The following ZFAND3 variants were observed in gnomAD, a reference collection of about 807,000 sequenced individuals.
The protein encoded by ZFAND3 is AN1-type zinc finger protein 3.
ZFAND3 carries 10 observed loss-of-function variants against 29.6 expected under a neutral mutation model. That is an observed-to-expected ratio of 0.34 (90% CI 0.21 to 0.57). The LOEUF (loss-of-function observed/expected upper bound fraction) is 0.57, where lower values mean the gene tolerates loss of function less well. Ranked by LOEUF, ZFAND3 falls within the 20% of genes least tolerant of loss-of-function variation. The pLI is 0.86. For missense variants in ZFAND3, 230 were observed against 304.5 expected (o/e 0.76, Z 1.82); for synonymous variants, 128 against 112.6 (o/e 1.14, Z -0.87).
chr6:38,080,892 A>C (rs1176079831), intron 3 of ZFAND3, among the ~76,000 whole-genome samples: 1 of 152,102 alleles, frequency 6.6e-6, no homozygotes, highest in Non-Finnish European at 1.5e-5. Context: ...AGTCCATTAC[A>C]CTTTATCTGG....
At chr6:37,910,046 G>A (rs886662226) in intron 1 of ZFAND3, among the ~76,000 whole-genome samples, 31 of 152,188 alleles carry the variant, frequency 2.0e-4, no homozygotes, top group Non-Finnish European at 1.3e-4. Flanking sequence ...CTTGTTCTTT[G>A]CATGTCATCA....
At chr6:38,069,337 CTGTGTG>C (rs1257325425) in intron 3 of ZFAND3, among the ~76,000 whole-genome samples, 1 of 152,078 alleles carries the variant, frequency 6.6e-6, no homozygotes, top group Non-Finnish European at 1.5e-5. Context: ...TTACAGTTCT[CTGTGTG>C]TGTGTCTTTC....
chr6:37,957,328 G>A (rs2127423070), intron 2 of ZFAND3, among the ~76,000 whole-genome samples: 1 of 145,800 alleles, frequency 6.9e-6, no homozygotes, highest in Admixed American at 6.8e-5. Flanking sequence ...TTTTTTCATT[G>A]AATTCCAAGA....
At chr6:38,075,123 C>T (rs949266021) in intron 3 of ZFAND3, among the ~76,000 whole-genome samples, 1 of 152,080 alleles carries the variant, frequency 6.6e-6, no homozygotes, top group Non-Finnish European at 1.5e-5. Context: ...ATTCTGTAGT[C>T]CATGGATTAA....
intron 1 of ZFAND3, among the ~76,000 whole-genome samples, chr6:37,856,965 A>G (rs1433776404): frequency 6.6e-6 from 1 of 150,652 alleles, no homozygotes; most frequent in Non-Finnish European, 1.5e-5. Context: ...TTTTTTTGAG[A>G]CAAGATCTCA....
intron 2 of ZFAND3, among the ~76,000 whole-genome samples, chr6:37,940,033 C>T (rs1761784641): frequency 1.3e-5 from 2 of 152,118 alleles, no homozygotes; most frequent in Admixed American, 1.3e-4. Flanking sequence ...GAGCAAGGCT[C>T]TGTCTCGGGG....
intron 2 of ZFAND3, among the ~76,000 whole-genome samples, chr6:37,975,565 T>A (rs970936046): frequency 1.7e-4 from 26 of 152,208 alleles, no homozygotes; most frequent in African/African-American, 6.3e-4. Flanking sequence ...TTTATACTGA[T>A]GATTTATGTA....
intron 5 of ZFAND3, among the ~76,000 whole-genome samples, chr6:38,133,832 T>A (rs1010497182): frequency 6.6e-6 from 1 of 151,864 alleles, no homozygotes; most frequent in African/African-American, 2.4e-5. Flanking sequence ...CTTAGAAATA[T>A]GAAGGTAGCA....
intron 5 of ZFAND3, chr6:38,142,340 G>T (rs773045791): frequency 6.4e-6 from 3 of 471,218 alleles, no homozygotes; most frequent in Admixed American, 2.3e-5. Context: ...CTGTGACTTG[G>T]ATGAACTGAC....
chr6:37,914,672 C>CTTTTTTTTT lies in ZFAND3; in HGVS notation c.72-15285_72-15277dup, dbSNP rs71542148. On this transcript the variant is annotated intron_variant, in intron 1 of 5. Transcript: ENST00000287218. The stretch of plus-strand genomic sequence containing the variant: ...TTTCTTTCTTTCTTTCTTTTTTTTT[C>CTTTTTTTTT]TTTTTTTTTTAGTGGAGACGGGGTT... Among the ~76,000 whole-genome samples the CTTTTTTTTT allele has an allele frequency of 2.0e-3, 224 of 114,216 alleles. 10 individuals are homozygous for CTTTTTTTTT. Among genetic ancestry groups the CTTTTTTTTT allele is most frequent in the African/African-American group, 7.7e-3 (217 of 28,014 alleles). 74.9% of individuals were successfully genotyped at this position (114,216 alleles called of 152,430 possible).
At chr6:38,077,583 C>T (rs923071789) in intron 3 of ZFAND3, among the ~76,000 whole-genome samples, 7 of 152,024 alleles carry the variant, frequency 4.6e-5, no homozygotes, top group East Asian at 3.8e-4. Flanking sequence ...TGACCAATTC[C>T]GTGGTAGTCT....
At chr6:37,928,659 C>T (rs995622796) in intron 1 of ZFAND3, among the ~76,000 whole-genome samples, 6 of 152,076 alleles carry the variant, frequency 3.9e-5, no homozygotes, top group African/African-American at 9.7e-5. Flanking sequence ...TAGCTACAGA[C>T]GTGTGCCACC....
At chr6:37,920,052 C>CTTTTTTTTTTT (rs11389241) in intron 1 of ZFAND3, among the ~76,000 whole-genome samples, 2 of 93,410 alleles carry the variant, frequency 2.1e-5, no homozygotes, top group African/African-American at 3.9e-5. Flanking sequence ...TTTTTTGAAG[C>CTTTTTTTTTTT]TTTTTTTTTT....
chr6:37,823,335 G>A (rs1159274204), intron 1 of ZFAND3, among the ~76,000 whole-genome samples: 1 of 152,204 alleles, frequency 6.6e-6, no homozygotes, highest in East Asian at 1.9e-4. Flanking sequence ...CTCCTTGGAA[G>A]CTCTAGGTCT....
At chr6:38,028,396 C>T (rs1763487759) in intron 2 of ZFAND3, among the ~76,000 whole-genome samples, 1 of 151,730 alleles carries the variant, frequency 6.6e-6, no homozygotes, top group Admixed American at 6.6e-5. Context: ...TGTTGTATTA[C>T]AGTTTTTAGA....
intron 1 of ZFAND3, among the ~76,000 whole-genome samples, chr6:37,898,716 A>C (rs751088153): frequency 6.6e-6 from 1 of 152,184 alleles, no homozygotes; most frequent in Non-Finnish European, 1.5e-5. Flanking sequence ...AAGTACTATG[A>C]TTTAAATTTC....
chr6:37,853,775 T>C (rs1460721778), intron 1 of ZFAND3, among the ~76,000 whole-genome samples: 1 of 152,168 alleles, frequency 6.6e-6, no homozygotes, highest in Non-Finnish European at 1.5e-5. Flanking sequence ...TAAACTATTT[T>C]ATTAGGCACC....
rs1050360057 is a variant in ZFAND3, at chr6:38,039,467, G to A, written c.113-22126G>A. On this transcript the variant is annotated intron_variant, in intron 2 of 5. Transcript: ENST00000287218. Reference sequence around the variant, plus strand: ...TGTAAAGGATTTATAATTTTCCCCAGGATTTGCCTCAGAAGGAGACACAAG... The same window carrying A: ...TGTAAAGGATTTATAATTTTCCCCAAGATTTGCCTCAGAAGGAGACACAAG... Among the ~76,000 whole-genome samples the A allele has an allele frequency of 3.3e-5, 5 of 152,288 alleles. 1 individual carries two copies. The South Asian group carries it at 1.0e-3, about 32-fold the overall frequency.
At chr6:37,931,060 A>G (rs776092445) in intron 2 of ZFAND3, among the ~76,000 whole-genome samples, 3 of 152,196 alleles carry the variant, frequency 2.0e-5, no homozygotes, top group Non-Finnish European at 4.4e-5. Flanking sequence ...TATGGTGATT[A>G]GGCCAGCTGT....
Sources: gnomAD v4.1 joint callset for allele counts (sites outside exome capture counted in the v4.1 genomes callset) on GRCh38, gnomAD v4.1.1 for gene constraint, MANE v1.5 for transcripts, NCBI Gene and HGNC (gene_info 2026-07-23, HGNC 2026-07-21) for gene names.